TMC4: variants seen among roughly 807,000 people sequenced by gnomAD.
TMC4 encodes the protein voltage-gated chloride channel TMC4.
A neutral mutation model predicts 82.0 loss-of-function variants in TMC4; 70 were observed. That is an observed-to-expected ratio of 0.85 (90% CI 0.70 to 1.04). The LOEUF (loss-of-function observed/expected upper bound fraction) is 1.04, where lower values mean the gene tolerates loss of function less well. TMC4 is among the 50% of genes least tolerant of loss of function. The probability of loss-of-function intolerance (pLI) is 0.00; values close to 1 mark genes in which losing one functional copy is unlikely to be tolerated. For missense variants in TMC4, 879 were observed against 899.0 expected (o/e 0.98, Z 0.28); for synonymous variants, 446 against 406.0 (o/e 1.10, Z -1.18).
chr19:54,161,507 C>T (rs1379567086), intron 11 of TMC4, among the ~76,000 whole-genome samples: 1 of 150,830 alleles, frequency 6.6e-6, no homozygotes, highest in Admixed American at 6.6e-5. Context: ...CACCACCACT[C>T]CCGGCTAATT....
In TMC4 at chr19:54,168,234, G is replaced by T. The variant is rs905484182; in HGVS notation, c.734C>A (p.Ala245Glu). Residue 245 changes from alanine (A) to glutamate (E), a missense_variant, in exon 5 of 15, where the codon GCG becomes GAG. Transcript: ENST00000619895. Reference sequence around the variant, plus strand: ...AAAGGCCCAGCACAGGTAGGTGACCGCCAGGCGTGGGCGGGGCGGGTAGAA... The same window carrying T: ...AAAGGCCCAGCACAGGTAGGTGACCTCCAGGCGTGGGCGGGGCGGGTAGAA... ...YGFYPPRPRL[A>E]VTYLCWAFAV... 7 of 1,581,248 alleles carry T rather than the reference G, an allele frequency of 4.4e-6. No individual in the cohort carries two copies. The African/African-American group carries it at 8.1e-5, about 18-fold the overall frequency.
rs1404788873 is a variant in TMC4 at position 54,168,519 on chromosome 19, C to G, written c.604G>C (p.Gly202Arg). ...CCCTGGGAGTGGGGGTTATAGGAGC[C>G]GCAGGGCGAGGAGATGTCGGGGCCG... ...PPGPDISSPCGSYNPHSQGLV... is the reference protein window; with the variant it reads ...PPGPDISSPCRSYNPHSQGLV... The change falls in exon 4 of 15, where the codon GGC (glycine) becomes CGC (arginine). Residue 202 changes from glycine (G) to arginine (R), a missense_variant. Physicochemically the swap from Gly to Arg is moderately radical, Grantham distance 125 (BLOSUM62 -2). Coordinates refer to ENST00000619895, the MANE Select transcript of TMC4 (RefSeq NM_144686.4). The G allele has an allele frequency of 1.3e-6, 2 of 1,549,706 alleles. No homozygotes were observed. Among genetic ancestry groups the G allele is most frequent in the Admixed American group, 4.0e-5 (2 of 50,496 alleles).
At chr19:54,163,678 C>T (rs2146877398) in intron 8 of TMC4, 46 bp downstream of exon 8, 2 of 1,607,432 alleles carry the variant, frequency 1.2e-6, no homozygotes, top group Non-Finnish European at 1.7e-6. Flanking sequence ...TCCCTCTGAC[C>T]GCCCCCACCC....
chr19:54,165,602 G>T, intron 5 of TMC4, 36 bp from the exon 6 acceptor site: 4 of 1,582,846 alleles, frequency 2.5e-6, no homozygotes, highest in Non-Finnish European at 3.4e-6. Context: ...GAAGTGAAAG[G>T]ACAGCCAGGA....
In TMC4 at chr19:54,173,091, T is replaced by C. The variant is rs1385189273; in HGVS notation, c.27A>G (p.Ser9=). 1.9e-6 allele frequency: 3 copies of C among 1,601,728 alleles called. No homozygotes were observed. The highest frequency in any genetic ancestry group is 1.1e-5 in the South Asian group (1 of 90,650). The part of the protein sequence containing the change: MEENPTLE[S]EAWGSSREWL... ...ACTCCCTAGAGGAGCCCCAGGCTTC[T>C]GATTCCAAGGTCGGGTTTTCTTCCA... The change falls in exon 1 of 15, where the codon TCA becomes TCG. Residue 9 remains serine (S), a synonymous_variant. Coordinates refer to ENST00000619895, the MANE Select transcript of TMC4 (RefSeq NM_144686.4).
chr19:54,165,373 C>A (rs201011328), intron 6 of TMC4, 46 bp downstream of exon 6: 1 of 1,546,882 alleles, frequency 6.5e-7, no homozygotes, highest in East Asian at 2.3e-5. Context: ...TCAGCCCGGT[C>A]CTGTCTGGTC....
At chr19:54,167,923 C>G (rs1467904129) in intron 5 of TMC4, among the ~76,000 whole-genome samples, 2 of 151,090 alleles carry the variant, frequency 1.3e-5, no homozygotes, top group African/African-American at 4.9e-5. Context: ...GTTAGCTGGG[C>G]GTGGTGGCGG....
In TMC4 at chr19:54,160,357, G is replaced by A; in HGVS notation, c.2070C>T (p.Val690=). The change falls in exon 15 of 15, where the codon GTC becomes GTT. Residue 690 remains valine, a synonymous_variant. Transcript: ENST00000619895. ...GCGCCACAGCGCGCCGTGCCAGGAA[G>A]ACTTTATTCTGCGCCTCCTGGGGCA... ...RQRETEAQNK[V]FLARRAVALT... 6.5e-7 allele frequency: 1 copy of A among 1,531,406 alleles called. No homozygotes were observed. The highest frequency in any genetic ancestry group is 1.3e-5 in the South Asian group (1 of 79,206). The allele number at this position is 1,531,406 out of a possible 1,614,324, so 94.9% of individuals were successfully genotyped here.
rs367665170 is a variant in TMC4, at chr19:54,163,012, G to A, written c.1404+21C>T. ...TCCTTCAGGGACCCAAGAGTCCCACGCACACCCATGCCGTTCTCACCGGAA... is the reference window on the plus strand; with the variant it reads ...TCCTTCAGGGACCCAAGAGTCCCACACACACCCATGCCGTTCTCACCGGAA... On this transcript the variant is annotated intron_variant, in intron 9 of 14. Coordinates refer to ENST00000619895, the MANE Select transcript of TMC4 (RefSeq NM_144686.4). 6 of 1,613,940 alleles carry A rather than the reference G, an allele frequency of 3.7e-6. No individual in the cohort carries two copies. In the African/African-American group the frequency reaches 5.3e-5, roughly 14 times the overall value.
At position 54,168,224 on chromosome 19, in the gene TMC4, G is replaced by T. The variant is rs551090205; in HGVS notation, c.744C>A (p.Tyr248Ter). 6.3e-6 allele frequency: 10 copies of T among 1,589,932 alleles called. No homozygotes were observed. The highest frequency in any genetic ancestry group is 7.7e-6 in the Non-Finnish European group (9 of 1,167,760). The change falls in exon 5 of 15, where the codon TAC becomes TAA. Residue 248 changes from tyrosine to a stop codon, truncating the protein, a stop_gained. Coordinates refer to ENST00000619895, the MANE Select transcript of TMC4 (RefSeq NM_144686.4). LOFTEE classifies it high-confidence loss of function. Reference protein sequence around the residue: ...YPPRPRLAVTYLCWAFAVGLI... With the variant: ...YPPRPRLAVT ...GGCCAACGGCAAAGGCCCAGCACAG[G>T]TAGGTGACCGCCAGGCGTGGGCGGG...
intron 1 of TMC4, chr19:54,172,806 T>A (rs561476610): frequency 2.0e-6 from 1 of 488,374 alleles, no homozygotes; most frequent in East Asian, 3.7e-5. Context: ...ACACCCAAAC[T>A]CCCAGCCCTT....
At position 54,162,693 on chromosome 19, in the gene TMC4, C is replaced by G; in HGVS notation, c.1482G>C (p.Leu494=). 6.2e-7 allele frequency: 1 copy of G among 1,613,948 alleles called. No homozygotes were observed. Among genetic ancestry groups the G allele is most frequent in the Non-Finnish European group, 8.5e-7 (1 of 1,179,964 alleles). The change falls in exon 10 of 15, where the codon CTG becomes CTC. Residue 494 remains leucine, a synonymous_variant. Transcript: ENST00000619895. ...CTCACTTTCTAGGAAACTGGATGAG[C>G]AGCGCGACTGCCAAGACAGTCAGCA... is the stretch of plus-strand genomic sequence containing the variant. ...FDLLTVLAVA[L]LIQFPRKLLC... is the part of the protein sequence containing the mutation.
chr19:54,168,254 G>A lies in TMC4; in HGVS notation c.714C>T (p.Tyr238=), dbSNP rs1427722598. The change falls in exon 5 of 15, where the codon TAC becomes TAT. Residue 238 remains tyrosine (Y), a synonymous_variant. Transcript: ENST00000619895. Reference sequence around the variant, plus strand: ...TGACCGCCAGGCGTGGGCGGGGCGGGTAGAAGCCATAGAAGAGAGGGGACC... The same window carrying A: ...TGACCGCCAGGCGTGGGCGGGGCGGATAGAAGCCATAGAAGAGAGGGGACC... ...LEWSPLFYGF[Y]PPRPRLAVTY... 2 of 1,562,400 alleles carry A rather than the reference G, an allele frequency of 1.3e-6. No individual in the cohort carries two copies. The highest frequency in any genetic ancestry group is 1.2e-5 in the South Asian group (1 of 85,230).
chr19:54,162,058 C>G (rs2075567445), intron 11 of TMC4, 44 bp downstream of exon 11: 1 of 1,544,610 alleles, frequency 6.5e-7, no homozygotes, highest in African/African-American at 1.4e-5. Context: ...GTGCGGGCCC[C>G]AATACCTCCT....
At chr19:54,162,080 A>T (rs200760133) in intron 11 of TMC4, 22 bp downstream of exon 11, 1 of 1,591,072 alleles carries the variant, frequency 6.3e-7, no homozygotes, top group East Asian at 2.3e-5. Flanking sequence ...CCTCAGACCC[A>T]AGGGTCCCCC....
At position 54,169,581 on chromosome 19, in the gene TMC4, AC is replaced by A; in HGVS notation, c.372del (p.Arg124SerfsTer20). On this transcript the variant is annotated frameshift_variant, in exon 3 of 15. Transcript: ENST00000619895. LOFTEE classifies it high-confidence loss of function. ...KTDRWARLLR[R>X]SKEKTKEGLR... ...AAGCCTTCCTTTGTTTTCTCCTTGGACCTCCGAAGTAGCCGCGCCCATCGGT... is the reference window on the plus strand; with the variant it reads ...AAGCCTTCCTTTGTTTTCTCCTTGGACTCCGAAGTAGCCGCGCCCATCGGT... 1 of 1,613,562 alleles carries A rather than the reference AC, an allele frequency of 6.2e-7. No individual in the cohort carries two copies. Among genetic ancestry groups the A allele is most frequent in the Middle Eastern group, 1.6e-4 (1 of 6,062 alleles).
chr19:54,168,887 C>CTTTTCTTTTCTTTTCT (rs1170983259), intron 3 of TMC4, among the ~76,000 whole-genome samples: 2 of 22,552 alleles, frequency 8.9e-5, no homozygotes, highest in Admixed American at 6.9e-4. Context: ...CTTTTCTTTT[C>CTTTTCTTTTCTTTTCT]TTTCTTTCCT....
chr19:54,168,869 TTTCTTTTCTTTTC>T lies in TMC4; in HGVS notation c.443-202_443-190del, dbSNP rs1275154654. 2.6e-4 allele frequency among the ~76,000 whole-genome samples: 13 copies of T among 49,560 alleles called. 5 individuals carry two copies. Among genetic ancestry groups the T allele is most frequent in the Admixed American group, 5.3e-4 (2 of 3,778 alleles). 32.5% of individuals were successfully genotyped at this position (49,560 alleles called of 152,430 possible). A position where few individuals can be genotyped will look rare whatever the true frequency, so the allele number is the denominator to read the frequency against. ...TTTCTTTTCTTTTCTTTTCTTTTCT[TTTCTTTTCTTTTC>T]TTTTCTTTCTTTCCTTTCTTTCTTC... On this transcript the variant is annotated intron_variant, in intron 3 of 14. Coordinates refer to ENST00000619895, the MANE Select transcript of TMC4 (RefSeq NM_144686.4).
intron 11 of TMC4, 82 bp from the exon 12 acceptor site, chr19:54,161,342 C>G: frequency 2.5e-6 from 3 of 1,217,234 alleles, no homozygotes; most frequent in South Asian, 2.0e-5. Flanking sequence ...TTTTTTGAGA[C>G]AGAGTCTCGC....
Sources: gnomAD v4.1 joint callset for allele counts (sites outside exome capture counted in the v4.1 genomes callset) on GRCh38, gnomAD v4.1.1 for gene constraint, MANE v1.5 for transcripts, NCBI Gene and HGNC (gene_info 2026-07-23, HGNC 2026-07-21) for gene names.